Variants in NCOR1 observed in about 807,000 individuals in gnomAD.
NCOR1 encodes nuclear receptor corepressor 1, also known as protein phosphatase 1, regulatory subunit 109.
Under a neutral mutation model 288.1 loss-of-function variants are expected in NCOR1, and 63 were observed. The ratio of observed to expected loss-of-function variants is 0.22; its 90% CI spans 0.18 to 0.27. NCOR1 has a LOEUF of 0.27. NCOR1 is among the 10% of genes least tolerant of loss of function. The pLI, the probability that NCOR1 is intolerant of heterozygous loss-of-function variation, is 1.00. For missense variants in NCOR1, 2,397 were observed against 3,019.2 expected (o/e 0.79, Z 4.83); for synonymous variants, 1,007 against 1,065.9 (o/e 0.94, Z 1.08).
At chr17:16,074,090 C>T (rs777626912) in intron 27 of NCOR1, among the ~76,000 whole-genome samples, 4 of 152,004 alleles carry the variant, frequency 2.6e-5, no homozygotes, top group Admixed American at 6.5e-5. Flanking sequence ...AGAACGTAAG[C>T]GTGGTAACCG....
chr17:16,115,352 T>G (rs910385157), intron 18 of NCOR1, among the ~76,000 whole-genome samples: 2 of 152,226 alleles, frequency 1.3e-5, no homozygotes, highest in Non-Finnish European at 2.9e-5. Context: ...CCCATTGTCT[T>G]GGAACTTAAT....
At chr17:16,151,221 T>C (rs2078822780) in intron 8 of NCOR1, among the ~76,000 whole-genome samples, 1 of 150,434 alleles carries the variant, frequency 6.6e-6, no homozygotes, top group African/African-American at 2.4e-5. Flanking sequence ...AAAAAAAAGA[T>C]ATCTATCTAG....
At chr17:16,201,594 T>C (rs1047352866) in intron 1 of NCOR1, among the ~76,000 whole-genome samples, 4 of 152,010 alleles carry the variant, frequency 2.6e-5, no homozygotes, top group African/African-American at 4.8e-5. Context: ...CAAGACTCTA[T>C]CTCAAAAAAT....
chr17:16,195,249 T>A (rs1189530525), intron 1 of NCOR1, among the ~76,000 whole-genome samples: 1 of 152,122 alleles, frequency 6.6e-6, no homozygotes, highest in East Asian at 1.9e-4. Context: ...GGTAGGTGGA[T>A]CACTTGAGGT....
rs146918788 is a variant in NCOR1, at chr17:16,127,449, A to G, written c.1510-1243T>C. Among the ~76,000 whole-genome samples, 56 of 146,856 alleles carry G rather than the reference A, an allele frequency of 3.8e-4. 4 individuals are homozygous for G. In the East Asian group the frequency reaches 0.011, roughly 29 times the overall value. ...TGTATATGTGTATGTATATATGTGT[A>G]TATGTATATATACGTGTATGTGTAT... On this transcript the variant is annotated intron_variant, in intron 14 of 45. Transcript: ENST00000268712.
chr17:16,168,278 GC>G (rs2082411592), intron 4 of NCOR1, among the ~76,000 whole-genome samples: 1 of 152,136 alleles, frequency 6.6e-6, no homozygotes, highest in South Asian at 2.1e-4. Context: ...TCAGCTCACT[GC>G]AACCACCGCC....
rs767523250 is a variant in NCOR1, at chr17:16,194,580, G to C, written c.-11C>G. 2.6e-6 allele frequency: 4 copies of C among 1,528,650 alleles called. No homozygotes were observed. Among genetic ancestry groups the C allele is most frequent in the Non-Finnish European group, 3.6e-6 (4 of 1,111,836 alleles). 94.7% of individuals were successfully genotyped at this position (1,528,650 alleles called of 1,614,324 possible). A position where few individuals can be genotyped will look rare whatever the true frequency, so the allele number is the denominator to read the frequency against. On this transcript the variant is annotated 5_prime_UTR_variant, in exon 2 of 46. Coordinates refer to ENST00000268712, the MANE Select transcript of NCOR1 (RefSeq NM_006311.4). ...ACCTGAACTTGACATTATCAGTAAAGAAGTCCTCACCAGACTGTGAGATCA... is the reference window on the plus strand; with the variant it reads ...ACCTGAACTTGACATTATCAGTAAACAAGTCCTCACCAGACTGTGAGATCA...
chr17:16,202,602 T>C (rs1046120087), intron 1 of NCOR1, among the ~76,000 whole-genome samples: 1 of 152,316 alleles, frequency 6.6e-6, no homozygotes, highest in African/African-American at 2.4e-5. Context: ...GCTCTAGATA[T>C]ATACTAGCCA....
intron 1 of NCOR1, among the ~76,000 whole-genome samples, chr17:16,205,609 G>A (rs1199329134): frequency 1.5e-4 from 22 of 145,688 alleles, no homozygotes; most frequent in African/African-American, 5.4e-4. Context: ...CAACAAGAGC[G>A]AGGCTCTGTC....
At chr17:16,106,875 ATATATATATTTTTTT>A (rs2068796832) in intron 19 of NCOR1, among the ~76,000 whole-genome samples, 4 of 53,342 alleles carry the variant, frequency 7.5e-5, no homozygotes, top group African/African-American at 3.8e-4. Flanking sequence ...ATATATATAT[ATATATATATTTTTTT>A]TTTTTTTTTT....
Position 16,091,979 on chromosome 17 carries a change from A to G in NCOR1, c.2900T>C (p.Met967Thr). ...CTCCTCCAGGAGTGCTGACTCATGC[A>G]TTGCTTTAATGTGTCGCTGGTAGAG... ...YALYQRHIKA[M>T]HESALLEEQR... Residue 967 changes from methionine (M) to threonine (T), a missense_variant, in exon 22 of 46, where the codon ATG becomes ACG. By Grantham distance (81) the Met-to-Thr change is moderately conservative. Transcript: ENST00000268712. 3.1e-6 allele frequency: 5 copies of G among 1,614,178 alleles called. No homozygotes were observed. Among genetic ancestry groups the G allele is most frequent in the Non-Finnish European group, 3.4e-6 (4 of 1,180,036 alleles).
intron 18 of NCOR1, among the ~76,000 whole-genome samples, chr17:16,110,371 A>G (rs970657812): frequency 6.6e-6 from 1 of 152,074 alleles, no homozygotes; most frequent in Non-Finnish European, 1.5e-5. Flanking sequence ...ACAAAAAACA[A>G]AAAAACAAAA....
At chr17:16,126,872 T>C (rs911230218) in intron 14 of NCOR1, among the ~76,000 whole-genome samples, 1 of 152,218 alleles carries the variant, frequency 6.6e-6, no homozygotes, top group Non-Finnish European at 1.5e-5. Context: ...CAATGAATGC[T>C]ACTACAGTAG....
chr17:16,058,102 T>C (rs1370124743), intron 38 of NCOR1, 38 bp from the exon 39 acceptor site: 7 of 1,599,558 alleles, frequency 4.4e-6, no homozygotes, highest in Middle Eastern at 1.7e-4. Flanking sequence ...TCCAGGAATG[T>C]CTGTGCTTTT....
chr17:16,140,349 C>T (rs890127431), intron 11 of NCOR1, among the ~76,000 whole-genome samples: 21 of 152,176 alleles, frequency 1.4e-4, no homozygotes, highest in Non-Finnish European at 1.5e-5. Context: ...TTTTAAAGCT[C>T]TTGATTATAC....
chr17:16,046,741 G>A (rs1482893680), intron 42 of NCOR1, among the ~76,000 whole-genome samples: 10 of 152,120 alleles, frequency 6.6e-5, no homozygotes, highest in Non-Finnish European at 1.3e-4. Flanking sequence ...AAAGAGAAAC[G>A]GCACAGCTTC....
intron 18 of NCOR1, among the ~76,000 whole-genome samples, chr17:16,116,876 T>C (rs1004853770): frequency 2.0e-5 from 3 of 152,264 alleles, no homozygotes; most frequent in Admixed American, 6.5e-5. Context: ...AAAAATACAT[T>C]GAGTACTAGC....
At chr17:16,073,659 AAAT>A in intron 27 of NCOR1, 90 bp from the exon 28 acceptor site, 16 of 1,040,690 alleles carry the variant, frequency 1.5e-5, no homozygotes, top group Non-Finnish European at 2.0e-5. Flanking sequence ...TATCTTATAA[AAAT>A]AATAATATTA....
intron 13 of NCOR1, chr17:16,137,890 T>A: frequency 2.8e-6 from 1 of 361,898 alleles, no homozygotes; most frequent in Non-Finnish European, 4.9e-6. Flanking sequence ...ATATTTTAAT[T>A]AGAAATTTAA....
Sources: gnomAD v4.1 joint callset for allele counts (sites outside exome capture counted in the v4.1 genomes callset) on GRCh38, gnomAD v4.1.1 for gene constraint, MANE v1.5 for transcripts, NCBI Gene and HGNC (gene_info 2026-07-23, HGNC 2026-07-21) for gene names.